TAAR5: variants seen among roughly 807,000 people sequenced by gnomAD.
TAAR5 encodes trace amine associated receptor 5.
Under a neutral mutation model 21.1 loss-of-function variants are expected in TAAR5, and 27 were observed. That is an observed-to-expected ratio of 1.28 (90% CI 0.94 to 1.76). The LOEUF (loss-of-function observed/expected upper bound fraction) is 1.76. Ranked by LOEUF, TAAR5 falls within the 40% of genes most tolerant of loss-of-function variation. The pLI, the probability that TAAR5 is intolerant of heterozygous loss-of-function variation, is 0.00. For synonymous variants in TAAR5, 203 were observed against 167.5 expected (o/e 1.21, Z -1.64); for missense variants, 495 against 405.6 (o/e 1.22, Z -1.89).
Position 132,588,613 on chromosome 6 carries a change from C to A in TAAR5, c.*60G>T. The A allele has an allele frequency of 1.3e-6, 2 of 1,549,910 alleles. No individual in the cohort carries two copies. The highest frequency in any genetic ancestry group is 2.5e-5 in the South Asian group (2 of 80,454). Reference sequence around the variant, plus strand: ...AACTCAACACCACACAGCCCACGGTCACAGTGCCACTTATCTTTCCTGTGA... The same window carrying A: ...AACTCAACACCACACAGCCCACGGTAACAGTGCCACTTATCTTTCCTGTGA... On this transcript the variant is annotated 3_prime_UTR_variant, in exon 1 of 1. Transcript: ENST00000258034.
chr6:132,601,923 C>G, the TAAR5 span, among the ~76,000 whole-genome samples: 7,874 of 152,134 alleles, frequency 0.052, 300 homozygotes, highest in African/African-American at 0.11. Context: ...TCTGAAAGAC[C>G]AGAGAACAGA....
the TAAR5 span, among the ~76,000 whole-genome samples, chr6:132,599,534 G>C: frequency 6.6e-6 from 1 of 151,804 alleles, no homozygotes; most frequent in African/African-American, 2.4e-5. Flanking sequence ...TCACCATGTT[G>C]GCCAGGCTGG....
chr6:132,597,573 T>A, the TAAR5 span, among the ~76,000 whole-genome samples: 30 of 152,184 alleles, frequency 2.0e-4, no homozygotes, highest in Non-Finnish European at 2.6e-4. Flanking sequence ...AGCATTTTTT[T>A]AAAAACAAAA....
the TAAR5 span, among the ~76,000 whole-genome samples, chr6:132,597,136 A>C: frequency 6.6e-6 from 1 of 152,112 alleles, no homozygotes; most frequent in African/African-American, 2.4e-5. Flanking sequence ...TAACCTCCTC[A>C]GTTTGTAAAG....
chr6:132,605,643 CTG>C, the TAAR5 span, among the ~76,000 whole-genome samples: 1 of 152,128 alleles, frequency 6.6e-6, no homozygotes, highest in Non-Finnish European at 1.5e-5. Context: ...AACATACACA[CTG>C]TGAAGTTTTT....
chr6:132,593,996 A>G (rs948299301), upstream of TAAR5, among the ~76,000 whole-genome samples: 35 of 152,344 alleles, frequency 2.3e-4, no homozygotes, highest in African/African-American at 7.7e-4. Flanking sequence ...AACAATCTCA[A>G]GAAAGATTTA....
the TAAR5 span, chr6:132,608,328 C>A: frequency 1.1e-5 from 5 of 455,556 alleles, no homozygotes; most frequent in Non-Finnish European, 1.8e-5. Context: ...TGAATGCTTT[C>A]TGAAACCATG....
rs1214178238 is a variant in TAAR5 at position 132,589,134 on chromosome 6, C to A, written c.553G>T (p.Glu185Ter). Residue 185 changes from glutamate to a stop codon, truncating the protein, a stop_gained, in exon 1 of 1, where the codon GAG becomes TAG. Coordinates refer to ENST00000258034, the MANE Select transcript of TAAR5 (RefSeq NM_003967.3). LOFTEE classifies it high-confidence loss of function. ...TGGCAACTGCCCACACAAGGCATCT[C>A]TTCCAGCCACTGGCTGAGCCTTGTC... ...VETRLSQWLEEMPCVGSCQLL... is the reference protein window; with the variant it reads ...VETRLSQWLE The A allele has an allele frequency of 2.5e-6, 4 of 1,612,076 alleles. No homozygotes were observed. In the South Asian group the frequency reaches 3.3e-5, roughly 13 times the overall value.
the TAAR5 span, among the ~76,000 whole-genome samples, chr6:132,603,538 T>C: frequency 6.6e-6 from 1 of 151,618 alleles, no homozygotes; most frequent in Non-Finnish European, 1.5e-5. Context: ...ATATCGCTTG[T>C]ATTCATTTTG....
the TAAR5 span, among the ~76,000 whole-genome samples, chr6:132,598,331 A>G: frequency 1.3e-5 from 2 of 152,208 alleles, no homozygotes; most frequent in African/African-American, 4.8e-5. Context: ...ATGGGTCAGT[A>G]TTTTAAGAGG....
chr6:132,615,617 A>G, the TAAR5 span, among the ~76,000 whole-genome samples: 1 of 152,114 alleles, frequency 6.6e-6, no homozygotes, highest in African/African-American at 2.4e-5. Flanking sequence ...TAATCCTGGG[A>G]AATGAAGACA....
chr6:132,610,928 T>C, the TAAR5 span, among the ~76,000 whole-genome samples: 1 of 152,164 alleles, frequency 6.6e-6, no homozygotes. Context: ...AGTTGGTTCA[T>C]ATTAGATCAT....
the TAAR5 span, chr6:132,608,204 A>C: frequency 2.9e-5 from 11 of 379,880 alleles, no homozygotes; most frequent in Admixed American, 1.4e-4. Context: ...AATAATAACA[A>C]TCTCATTTGC....
At chr6:132,589,742 C>CAA (rs567338856), upstream of TAAR5, 468 of 60,856 alleles carry the variant, frequency 7.7e-3, 14 homozygotes, top group Non-Finnish European at 1.0e-2. Flanking sequence ...CACTGGAGGG[C>CAA]AAAAAAAAAA....
At chr6:132,600,872 A>AGGGAAG in the TAAR5 span, among the ~76,000 whole-genome samples, 1 of 22,404 alleles carries the variant, frequency 4.5e-5, no homozygotes, top group African/African-American at 2.1e-4. Flanking sequence ...AAGGAAGGAG[A>AGGGAAG]GAGGGAAGGA....
rs1161909722 is a variant in TAAR5 at position 132,589,054 on chromosome 6, G to A, written c.633C>T (p.Pro211=). ...CATACAAGCTGATCATAATGAGGCAGGGGACAAAGAACAAAGGGAAGTTTA... is the reference window on the plus strand; with the variant it reads ...CATACAAGCTGATCATAATGAGGCAAGGGACAAAGAACAAAGGGAAGTTTA... ...GWLNFPLFFV[P]CLIMISLYVK... The change falls in exon 1 of 1, where the codon CCC becomes CCT. Residue 211 remains proline, a synonymous_variant. Transcript: ENST00000258034. 6.2e-7 allele frequency: 1 copy of A among 1,614,088 alleles called. No homozygotes were observed. The highest frequency in any genetic ancestry group is 8.5e-7 in the Non-Finnish European group (1 of 1,180,006).
chr6:132,591,975 A>G (rs903734701), upstream of TAAR5, among the ~76,000 whole-genome samples: 1 of 152,214 alleles, frequency 6.6e-6, no homozygotes, highest in Non-Finnish European at 1.5e-5. Flanking sequence ...GGCAGACAAG[A>G]GTTCGAGTGG....
chr6:132,601,635 C>T, the TAAR5 span, among the ~76,000 whole-genome samples: 1 of 152,192 alleles, frequency 6.6e-6, no homozygotes, highest in African/African-American at 2.4e-5. Flanking sequence ...TAGCAAAAGA[C>T]CAGAAACAGT....
At chr6:132,598,986 A>G in the TAAR5 span, among the ~76,000 whole-genome samples, 1 of 152,214 alleles carries the variant, frequency 6.6e-6, no homozygotes, top group African/African-American at 2.4e-5. Flanking sequence ...ATCTCTAGTG[A>G]AAGTTTGACT....
Sources: gnomAD v4.1 joint callset for allele counts (sites outside exome capture counted in the v4.1 genomes callset) on GRCh38, gnomAD v4.1.1 for gene constraint, MANE v1.5 for transcripts, NCBI Gene and HGNC (gene_info 2026-07-23, HGNC 2026-07-21) for gene names.